Variants in PTPRD observed in about 807,000 individuals in gnomAD.
The protein encoded by PTPRD is protein tyrosine phosphatase receptor type D.
PTPRD carries 34 observed loss-of-function variants against 214.5 expected under a neutral mutation model. The ratio of observed to expected loss-of-function variants is 0.16; its 90% CI spans 0.12 to 0.21. PTPRD has a LOEUF of 0.21. Ranked by LOEUF, PTPRD falls within the 10% of genes least tolerant of loss-of-function variation. PTPRD has a pLI of 1.00. For missense variants in PTPRD, 2,545 were observed against 2,398.7 expected (o/e 1.06, Z -1.27); for synonymous variants, 1,128 against 845.7 (o/e 1.33, Z -5.79).
At chr9:9,349,107 G>A (rs999499906) in intron 9 of PTPRD, among the ~76,000 whole-genome samples, 1 of 152,014 alleles carries the variant, frequency 6.6e-6, no homozygotes, top group African/African-American at 2.4e-5. Context: ...AAATCAGTAG[G>A]TCAGTGGGGA....
intron 4 of PTPRD, among the ~76,000 whole-genome samples, chr9:10,018,861 C>T (rs1364701778): frequency 6.6e-6 from 1 of 151,378 alleles, no homozygotes; most frequent in African/African-American, 2.4e-5. Context: ...AATTACATTT[C>T]TAATACACAC....
intron 10 of PTPRD, among the ~76,000 whole-genome samples, chr9:9,177,666 G>A (rs577508732): frequency 3.9e-5 from 6 of 152,026 alleles, no homozygotes; most frequent in Non-Finnish European, 8.8e-5. Flanking sequence ...AAAAATTCCG[G>A]TAAGCAAATT....
At chr9:9,197,305 T>A (rs936000937) in intron 9 of PTPRD, among the ~76,000 whole-genome samples, 7 of 152,160 alleles carry the variant, frequency 4.6e-5, no homozygotes, top group African/African-American at 1.7e-4. Flanking sequence ...CCCGATGGCT[T>A]GTGTTCTCCT....
At chr9:9,699,009 G>A (rs991610476) in intron 7 of PTPRD, among the ~76,000 whole-genome samples, 2 of 152,088 alleles carry the variant, frequency 1.3e-5, no homozygotes, top group Non-Finnish European at 2.9e-5. Context: ...TCTTTGGCAT[G>A]ACTTTCTCTC....
intron 3 of PTPRD, among the ~76,000 whole-genome samples, chr9:10,183,077 T>C (rs72696961): frequency 0.053 from 8,106 of 152,290 alleles, 303 homozygotes; most frequent in Admixed American, 0.1. Flanking sequence ...TAATGCTATT[T>C]TCTTGTTAGA....
chr9:10,141,651 A>C (rs2098986065), intron 3 of PTPRD, among the ~76,000 whole-genome samples: 1 of 152,044 alleles, frequency 6.6e-6, no homozygotes, highest in African/African-American at 2.4e-5. Context: ...AGGAACAATC[A>C]ATATCGTGAA....
intron 3 of PTPRD, among the ~76,000 whole-genome samples, chr9:10,166,820 A>G (rs183575740): frequency 1.3e-5 from 2 of 152,262 alleles, no homozygotes; most frequent in African/African-American, 2.4e-5. Flanking sequence ...TGCCCATGCA[A>G]TAAGAGCTTC....
intron 9 of PTPRD, among the ~76,000 whole-genome samples, chr9:9,340,906 G>A (rs2046538106): frequency 6.6e-6 from 1 of 152,092 alleles, no homozygotes; most frequent in Non-Finnish European, 1.5e-5. Flanking sequence ...TACTAGTGAA[G>A]AAAACAGTGA....
intron 37 of PTPRD, among the ~76,000 whole-genome samples, chr9:8,386,410 A>G (rs2087069118): frequency 6.6e-6 from 1 of 152,236 alleles, no homozygotes; most frequent in Non-Finnish European, 1.5e-5. Flanking sequence ...TCACAGCAGC[A>G]TTTACAAGAC....
At chr9:8,803,617 T>C in intron 11 of PTPRD, among the ~76,000 whole-genome samples, 1 of 151,950 alleles carries the variant, frequency 6.6e-6, no homozygotes. Flanking sequence ...CCTATAGTCC[T>C]GGAGGCTGAA....
At chr9:10,444,585 C>T (rs1418177169) in intron 2 of PTPRD, among the ~76,000 whole-genome samples, 1 of 151,672 alleles carries the variant, frequency 6.6e-6, no homozygotes, top group Non-Finnish European at 1.5e-5. Context: ...AGACAAGATA[C>T]ATGCCTACTA....
chr9:8,951,390 T>C (rs1374681423), intron 11 of PTPRD, among the ~76,000 whole-genome samples: 3 of 151,120 alleles, frequency 2.0e-5, no homozygotes, highest in Non-Finnish European at 4.4e-5. Flanking sequence ...GTCTTTCTTC[T>C]CTTTCCTCCT....
intron 9 of PTPRD, among the ~76,000 whole-genome samples, chr9:9,225,444 T>C (rs1354366149): frequency 6.6e-6 from 1 of 151,958 alleles, no homozygotes; most frequent in Non-Finnish European, 1.5e-5. Context: ...ACATGATTGA[T>C]GAAAAATTCC....
In PTPRD at chr9:8,367,069, G is replaced by A. The variant is rs927839469; in HGVS notation, c.4661+8867C>T. The stretch of plus-strand genomic sequence containing the variant: ...TGCCAAGAGATACCTGGAGCCAAGC[G>A]TATGGTTTGTATGGTTGGTGACCAA... On this transcript the variant is annotated intron_variant, in intron 39 of 45. Coordinates refer to ENST00000381196, the MANE Select transcript of PTPRD (RefSeq NM_002839.4). Among the ~76,000 whole-genome samples, 9 of 152,236 alleles carry A rather than the reference G, an allele frequency of 5.9e-5. No individual in the cohort carries two copies. In the East Asian group the frequency reaches 1.5e-3, roughly 26 times the overall value.
intron 3 of PTPRD, among the ~76,000 whole-genome samples, chr9:10,051,401 T>C (rs2097532470): frequency 6.6e-6 from 1 of 152,142 alleles, no homozygotes; most frequent in South Asian, 2.1e-4. Context: ...TCTCCAGTTT[T>C]TTCCTCCATG....
intron 8 of PTPRD, among the ~76,000 whole-genome samples, chr9:9,479,846 T>C (rs756450722): frequency 3.1e-4 from 47 of 152,140 alleles, no homozygotes; most frequent in Non-Finnish European, 3.8e-4. Context: ...GTAAGTATAA[T>C]GTCAATTTTC....
chr9:10,592,771 T>C (rs1313312045), intron 2 of PTPRD, among the ~76,000 whole-genome samples: 9 of 151,828 alleles, frequency 5.9e-5, no homozygotes, highest in Admixed American at 5.3e-4. Context: ...CCCTGTAAAA[T>C]GCACCAATAA....
intron 7 of PTPRD, among the ~76,000 whole-genome samples, chr9:9,649,024 A>G (rs1478445139): frequency 6.6e-6 from 1 of 152,126 alleles, no homozygotes; most frequent in Non-Finnish European, 1.5e-5. Flanking sequence ...CTTTGTGTTG[A>G]GGCCTCAGTT....
intron 5 of PTPRD, among the ~76,000 whole-genome samples, chr9:9,856,733 G>T (rs1044201342): frequency 6.6e-6 from 1 of 152,164 alleles, no homozygotes; most frequent in Non-Finnish European, 1.5e-5. Context: ...GCAGCAGCGG[G>T]ATACTTTTCT....
Sources: allele counts gnomAD v4.1 joint callset (sites outside exome capture counted in the v4.1 genomes callset), GRCh38; gene constraint gnomAD v4.1.1; transcripts MANE v1.5; gene names NCBI Gene and HGNC (gene_info 2026-07-23, HGNC 2026-07-21).